CNTNAP2: variants seen among roughly 807,000 people sequenced by gnomAD.
The protein encoded by CNTNAP2 is contactin-associated protein-like 2.
Under a neutral mutation model 155.2 loss-of-function variants are expected in CNTNAP2, and 98 were observed. The ratio of observed to expected loss-of-function variants is 0.63; its 90% CI spans 0.54 to 0.75. CNTNAP2 has a LOEUF of 0.75. Ranked by LOEUF, CNTNAP2 falls within the 30% of genes least tolerant of loss-of-function variation. The pLI is 0.00. For synonymous variants in CNTNAP2, 651 were observed against 631.2 expected (o/e 1.03, Z -0.47); for missense variants, 1,727 against 1,688.1 (o/e 1.02, Z -0.40).
chr7:146,501,300 T>C (rs1287435120), intron 1 of CNTNAP2, among the ~76,000 whole-genome samples: 1 of 152,196 alleles, frequency 6.6e-6, no homozygotes, highest in Non-Finnish European at 1.5e-5. Context: ...CTGTTAATTC[T>C]TTAAACATTT....
chr7:146,911,922 G>C (rs1031407043), intron 3 of CNTNAP2, among the ~76,000 whole-genome samples: 6 of 151,920 alleles, frequency 3.9e-5, no homozygotes, highest in Non-Finnish European at 7.4e-5. Flanking sequence ...TTCATAGAGA[G>C]GTATAAATAT....
chr7:146,202,424 C>A (rs537254590), intron 1 of CNTNAP2, among the ~76,000 whole-genome samples: 1 of 152,160 alleles, frequency 6.6e-6, no homozygotes, highest in East Asian at 1.9e-4. Context: ...TCATATGTAT[C>A]TAATTCTAAT....
At chr7:147,284,176 CA>C (rs1245073558) in intron 8 of CNTNAP2, among the ~76,000 whole-genome samples, 1 of 151,510 alleles carries the variant, frequency 6.6e-6, no homozygotes, top group African/African-American at 2.4e-5. Context: ...TTTTTCCCCC[CA>C]AATCAATACA....
intron 15 of CNTNAP2, among the ~76,000 whole-genome samples, chr7:148,049,068 A>C (rs1802833862): frequency 6.6e-6 from 1 of 152,106 alleles, no homozygotes; most frequent in Non-Finnish European, 1.5e-5. Flanking sequence ...AAAAAAAATT[A>C]GCCAGGTGTA....
At chr7:148,132,513 A>G (rs1178654419) in intron 16 of CNTNAP2, among the ~76,000 whole-genome samples, 2 of 152,186 alleles carry the variant, frequency 1.3e-5, no homozygotes, top group Non-Finnish European at 2.9e-5. Flanking sequence ...TAGCACTCAC[A>G]TTCCATAGCT....
chr7:146,426,756 G>A (rs1347397803), intron 1 of CNTNAP2, among the ~76,000 whole-genome samples: 1 of 151,866 alleles, frequency 6.6e-6, no homozygotes. Flanking sequence ...TTAGACAAGA[G>A]GAATAAGTTC....
intron 8 of CNTNAP2, among the ~76,000 whole-genome samples, chr7:147,234,776 G>A (rs1286850584): frequency 1.3e-5 from 2 of 152,160 alleles, no homozygotes; most frequent in African/African-American, 2.4e-5. Flanking sequence ...CGATGAGGCC[G>A]TTTGTTTTGC....
At chr7:146,890,318 A>G (rs1795750424) in intron 3 of CNTNAP2, among the ~76,000 whole-genome samples, 1 of 152,192 alleles carries the variant, frequency 6.6e-6, no homozygotes, top group Non-Finnish European at 1.5e-5. Context: ...TCCTGACCAC[A>G]AGTGAGAAAA....
intron 1 of CNTNAP2, among the ~76,000 whole-genome samples, chr7:146,722,254 T>C (rs1341708202): frequency 2.0e-5 from 3 of 151,972 alleles, no homozygotes; most frequent in Non-Finnish European, 2.9e-5. Context: ...ACAGGAACAA[T>C]TGCTGAAAAG....
At chr7:146,415,772 G>A (rs1041016448) in intron 1 of CNTNAP2, among the ~76,000 whole-genome samples, 6 of 151,762 alleles carry the variant, frequency 4.0e-5, no homozygotes, top group East Asian at 3.9e-4. Context: ...TGGTATTTTC[G>A]ATAAATTTAA....
intron 9 of CNTNAP2, among the ~76,000 whole-genome samples, chr7:147,392,925 A>G (rs1038877506): frequency 6.6e-6 from 1 of 152,024 alleles, no homozygotes. Context: ...TCTTTATTTG[A>G]TATCTATTGT....
intron 3 of CNTNAP2, among the ~76,000 whole-genome samples, chr7:146,946,072 C>CCCTTCCTTCCTTCCTTCCTTCCTT (rs10625736): frequency 1.3e-5 from 2 of 149,842 alleles, no homozygotes; most frequent in African/African-American, 4.9e-5. Context: ...TTCCTTCCTT[C>CCCTTCCTTCCTTCCTTCCTTCCTT]CCTTCCTTCC....
chr7:148,336,796 A>G (rs6943843), intron 21 of CNTNAP2, among the ~76,000 whole-genome samples: 33,191 of 152,236 alleles, frequency 0.22, 4,048 homozygotes, highest in Middle Eastern at 0.32. Context: ...TATGTTTTCA[A>G]ATATGAAACA....
intron 14 of CNTNAP2, among the ~76,000 whole-genome samples, chr7:147,969,751 A>G (rs191619140): frequency 2.0e-5 from 3 of 152,242 alleles, no homozygotes; most frequent in African/African-American, 7.2e-5. Context: ...CTTTGGCTTG[A>G]GTTATAGGTT....
At chr7:146,146,278 T>C (rs1013462043) in intron 1 of CNTNAP2, among the ~76,000 whole-genome samples, 19 of 152,200 alleles carry the variant, frequency 1.2e-4, no homozygotes, top group African/African-American at 4.6e-4. Flanking sequence ...CAATATTATA[T>C]TTCAAGACAT....
intron 1 of CNTNAP2, among the ~76,000 whole-genome samples, chr7:146,623,123 G>A (rs997354445): frequency 6.6e-6 from 1 of 152,004 alleles, no homozygotes; most frequent in East Asian, 1.9e-4. Flanking sequence ...GGATTTATGT[G>A]CAATGACTCT....
chr7:146,916,501 C>T (rs1002329414), intron 3 of CNTNAP2, among the ~76,000 whole-genome samples: 6 of 152,026 alleles, frequency 3.9e-5, no homozygotes, highest in African/African-American at 1.2e-4. Context: ...CCATTTCAAT[C>T]TTGCTACTTG....
intron 1 of CNTNAP2, among the ~76,000 whole-genome samples, chr7:146,256,612 G>A (rs1009470385): frequency 4.6e-5 from 7 of 151,484 alleles, no homozygotes; most frequent in Admixed American, 2.6e-4. Context: ...CTATATGTTA[G>A]TATCAATAAA....
Position 147,390,692 on chromosome 7 carries a change from G to A in CNTNAP2, c.1499-4917G>A, listed in dbSNP as rs183609698. 2.0e-5 allele frequency among the ~76,000 whole-genome samples: 3 copies of A among 152,136 alleles called. No individual in the cohort carries two copies. In the East Asian group the frequency reaches 5.8e-4, roughly 29 times the overall value. ...AAAAGACCAAGGTGCAGCCTCTAAT[G>A]CCTTTATACTTAACCTTGGAAATCA... On this transcript the variant is annotated intron_variant, in intron 9 of 23. Coordinates refer to ENST00000361727, the MANE Select transcript of CNTNAP2 (RefSeq NM_014141.6).
Sources: gnomAD v4.1 joint callset for allele counts (sites outside exome capture counted in the v4.1 genomes callset) on GRCh38, gnomAD v4.1.1 for gene constraint, MANE v1.5 for transcripts, NCBI Gene and HGNC (gene_info 2026-07-23, HGNC 2026-07-21) for gene names.